Variants in SLC9A8 observed in about 807,000 individuals in gnomAD.
SLC9A8 encodes solute carrier family 9 member A8, also known as sodium/hydrogen exchanger 8.
In SLC9A8, 48 loss-of-function variants were observed where a neutral mutation model predicts 66.6. That is an observed-to-expected ratio of 0.72 (90% CI 0.57 to 0.92). The LOEUF (loss-of-function observed/expected upper bound fraction) is 0.92, where lower values mean the gene tolerates loss of function less well. Among genes scored for constraint, SLC9A8 ranks in the 40% least tolerant of loss-of-function variants. The pLI is 0.00. For synonymous variants in SLC9A8, 274 were observed against 282.6 expected, an observed-to-expected ratio of 0.97 and a Z score of 0.31; for missense variants, 599 against 747.3, an observed-to-expected ratio of 0.80 and a Z score of 2.31.
rs1350374320 is a variant in SLC9A8, at chr20:49,886,201, T to G, written c.1492-551T>G. On this transcript the variant is annotated intron_variant, in intron 14 of 15. Transcript: ENST00000361573. The surrounding 1 kb of genome is among the most constrained non-coding windows in gnomAD (Gnocchi z 4.8). The stretch of plus-strand genomic sequence containing the variant: ...CAGAGCAGGCGCTGCACTCAGAGCC[T>G]GTCTGCTTTGCTCCTACCTATGACC... Among the ~76,000 whole-genome samples, 3 of 151,780 alleles carry G rather than the reference T, an allele frequency of 2.0e-5. No individual in the cohort carries two copies. The highest frequency in any genetic ancestry group is 4.4e-5 in the Non-Finnish European group (3 of 67,958).
intron 4 of SLC9A8, 29 bp from the exon 5 acceptor site, chr20:49,845,007 C>T (rs1229026777): frequency 6.8e-7 from 1 of 1,472,390 alleles, no homozygotes; most frequent in South Asian, 1.1e-5. Flanking sequence ...AAATTCCATG[C>T]CCTTAAGATA....
In SLC9A8 at chr20:49,812,955, G is replaced by A. The variant is rs1261785486; in HGVS notation, c.26+7G>A. On this transcript the variant is annotated splice_region_variant and intron_variant, in intron 1 of 15. Coordinates refer to ENST00000361573, the MANE Select transcript of SLC9A8 (RefSeq NM_015266.3). ...AGAAGATGGCGGAAGAGGAGTGAGTGGGCTTTTTCCCGGGCGGCGGAGGCG... is the reference window on the plus strand; with the variant it reads ...AGAAGATGGCGGAAGAGGAGTGAGTAGGCTTTTTCCCGGGCGGCGGAGGCG... 3 of 1,426,664 alleles carry A rather than the reference G, an allele frequency of 2.1e-6. No homozygotes were observed. The highest frequency in any genetic ancestry group is 2.8e-5 in the South Asian group (2 of 71,946). The allele number at this position is 1,426,664 out of a possible 1,614,324, so 88.4% of individuals were successfully genotyped here. A position where few individuals can be genotyped will look rare whatever the true frequency, so the allele number is the denominator to read the frequency against.
intron 13 of SLC9A8, among the ~76,000 whole-genome samples, chr20:49,882,536 A>G (rs2089667576): frequency 6.6e-6 from 1 of 152,000 alleles, no homozygotes. Context: ...TCTGCACTTC[A>G]CTGAGTGCGC....
chr20:49,837,808 A>G (rs2087599014), intron 3 of SLC9A8, among the ~76,000 whole-genome samples: 1 of 152,040 alleles, frequency 6.6e-6, no homozygotes, highest in Non-Finnish European at 1.5e-5. Context: ...ACCTCAGGTC[A>G]TCTGCCCGCT....
At chr20:49,875,470 A>C (rs1422799418) in intron 11 of SLC9A8, among the ~76,000 whole-genome samples, 1 of 152,206 alleles carries the variant, frequency 6.6e-6, no homozygotes, top group African/African-American at 2.4e-5. Context: ...TATTCACAAG[A>C]GCAGCCTGAG....
chr20:49,860,583 C>T (rs942002949), intron 8 of SLC9A8, among the ~76,000 whole-genome samples: 18 of 151,888 alleles, frequency 1.2e-4, no homozygotes, highest in African/African-American at 3.6e-4. Flanking sequence ...TAGCTGGGCA[C>T]GGTGGTGCGC....
intron 3 of SLC9A8, among the ~76,000 whole-genome samples, chr20:49,828,211 G>A (rs991315604): frequency 2.7e-5 from 4 of 150,624 alleles, no homozygotes; most frequent in Non-Finnish European, 5.9e-5. Flanking sequence ...CTCCCGAGTA[G>A]CTGGGATTAT....
chr20:49,840,534 G>A (rs2087718425), intron 4 of SLC9A8, among the ~76,000 whole-genome samples: 3 of 152,084 alleles, frequency 2.0e-5, no homozygotes, highest in Non-Finnish European at 2.9e-5. Context: ...ATAGACTAAC[G>A]TAAAACACAA....
intron 10 of SLC9A8, among the ~76,000 whole-genome samples, chr20:49,865,230 G>A (rs140037129): frequency 3.3e-4 from 51 of 152,280 alleles, no homozygotes; most frequent in African/African-American, 1.2e-3. Flanking sequence ...GCTGGGATTG[G>A]TGGAACAACG....
chr20:49,883,936 T>A lies in SLC9A8; in HGVS notation c.1361T>A (p.Val454Asp). Residue 454 changes from valine (V) to aspartate (D), a missense_variant, in exon 14 of 16, where the codon GTC becomes GAC. By Grantham distance (152) the Val-to-Asp change is radical (BLOSUM62 -3). Transcript: ENST00000361573. ...CAGCTCATCGGCACCACCACCATCG[T>A]CATCGTGCTCTTCACCATCCTGCTG... is the stretch of plus-strand genomic sequence containing the variant. ...KRQLIGTTTI[V>D]IVLFTILLLG... 6.2e-7 allele frequency: 1 copy of A among 1,612,624 alleles called. No individual in the cohort carries two copies. Among genetic ancestry groups the A allele is most frequent in the Non-Finnish European group, 8.5e-7 (1 of 1,179,972 alleles).
Position 49,886,680 on chromosome 20 carries a change from TG to T in SLC9A8, c.1492-67del, listed in dbSNP as rs2089903000. The T allele has an allele frequency of 6.4e-7, 1 of 1,551,536 alleles. No homozygotes were observed. The highest frequency in any genetic ancestry group is 8.8e-7 in the Non-Finnish European group (1 of 1,139,090). On this transcript the variant is annotated intron_variant, in intron 14 of 15. Coordinates refer to ENST00000361573, the MANE Select transcript of SLC9A8 (RefSeq NM_015266.3). The surrounding 1 kb of genome is among the most constrained non-coding windows in gnomAD (Gnocchi z 4.8). ...GGGGACACTGGCGGCCTGGGTGGTG[TG>T]GGGGCTTCCAGGAGGTGCCCCCCGA...
In SLC9A8 at chr20:49,888,012, G is replaced by A. The variant is rs539808119; in HGVS notation, c.*76G>A. 1.2e-5 allele frequency: 14 copies of A among 1,131,504 alleles called. No homozygotes were observed. Among genetic ancestry groups the A allele is most frequent in the Admixed American group, 3.6e-5 (2 of 55,904 alleles). The allele number at this position is 1,131,504 out of a possible 1,614,324, so 70.1% of individuals were successfully genotyped here. On this transcript the variant is annotated 3_prime_UTR_variant, in exon 16 of 16. Coordinates refer to ENST00000361573, the MANE Select transcript of SLC9A8 (RefSeq NM_015266.3). ...CGCACAGACACTCAGCAGGGGCCTC[G>A]CAGAGATGCGTGCATCCAGCAGCCC... is the stretch of plus-strand genomic sequence containing the variant.
At position 49,834,437 on chromosome 20, in the gene SLC9A8, A is replaced by ACTGTG. The variant is rs1568814486; in HGVS notation, c.290-5104_290-5103insCTGTG. Reference sequence around the variant, plus strand: ...TATATACTGTATATATATACTGTATATATATATATATACTGTATATATATA... The same window carrying ACTGTG: ...TATATACTGTATATATATACTGTATACTGTGTATATATATATACTGTATATATATA... On this transcript the variant is annotated intron_variant, in intron 3 of 15. Coordinates refer to ENST00000361573, the MANE Select transcript of SLC9A8 (RefSeq NM_015266.3). Among the ~76,000 whole-genome samples the ACTGTG allele has an allele frequency of 7.0e-5, 2 of 28,422 alleles. 1 individual carries two copies. Among genetic ancestry groups the ACTGTG allele is most frequent in the African/African-American group, 3.8e-4 (2 of 5,284 alleles). The allele number at this position is 28,422 out of a possible 152,430, so 18.6% of individuals were successfully genotyped here. A position where few individuals can be genotyped will look rare whatever the true frequency, so the allele number is the denominator to read the frequency against.
At chr20:49,839,945 C>T (rs1391450754) in intron 4 of SLC9A8, among the ~76,000 whole-genome samples, 1 of 152,026 alleles carries the variant, frequency 6.6e-6, no homozygotes, top group East Asian at 1.9e-4. Context: ...ATTTTGACAA[C>T]TGAGGATAAT....
intron 9 of SLC9A8, chr20:49,864,058 A>G (rs1384251865): frequency 6.6e-6 from 1 of 151,782 alleles, no homozygotes; most frequent in Non-Finnish European, 1.5e-5. Context: ...ATTTTCCTCT[A>G]TATTTATCTT....
intron 3 of SLC9A8, among the ~76,000 whole-genome samples, chr20:49,833,267 T>C (rs531827312): frequency 1.3e-5 from 2 of 152,202 alleles, no homozygotes; most frequent in Admixed American, 1.3e-4. Flanking sequence ...AGCACTTCCC[T>C]TTTTTTCCCT....
At chr20:49,872,727 C>T (rs964445719) in intron 10 of SLC9A8, among the ~76,000 whole-genome samples, 1 of 152,056 alleles carries the variant, frequency 6.6e-6, no homozygotes, top group East Asian at 1.9e-4. Context: ...CCTCGTGATT[C>T]ACCCGCCTCG....
chr20:49,830,646 A>G (rs779477545), intron 3 of SLC9A8: 124 of 631,230 alleles, frequency 2.0e-4, no homozygotes, highest in Non-Finnish European at 3.2e-4. Flanking sequence ...AGCTGGAGAC[A>G]GGGGCCTATA....
chr20:49,856,863 G>T (rs2235622), intron 8 of SLC9A8, among the ~76,000 whole-genome samples: 121,222 of 151,612 alleles, frequency 0.8, 48,474 homozygotes, highest in East Asian at 0.84. Context: ...CATATCACGT[G>T]CCTGTATTCC....
Sources: allele counts gnomAD v4.1 joint callset (sites outside exome capture counted in the v4.1 genomes callset), GRCh38; gene constraint gnomAD v4.1.1; non-coding constraint Gnocchi (gnomAD v3.1); transcripts MANE v1.5; gene names NCBI Gene and HGNC (gene_info 2026-07-23, HGNC 2026-07-21).